The following WDPCP variants were observed in gnomAD, a reference collection of about 807,000 sequenced individuals.
WDPCP encodes the protein WD repeat containing planar cell polarity effector, also known as WD repeat-containing and planar cell polarity effector protein fritz homolog.
In WDPCP, 71 loss-of-function variants were observed where a neutral mutation model predicts 93.1. That is an observed-to-expected ratio of 0.76 (90% confidence interval 0.63 to 0.93). The LOEUF is 0.93. WDPCP is among the 40% of genes least tolerant of loss of function. The pLI is 0.00. For missense variants in WDPCP, 844 were observed against 887.4 expected, an observed-to-expected ratio of 0.95 and a Z score of 0.62; for synonymous variants, 315 against 315.0, an observed-to-expected ratio of 1.00 and a Z score of 0.00.
In WDPCP at chr2:63,204,062, T is replaced by C. The variant is rs138133389; in HGVS notation, c.1916-29230A>G. ...ACTAATGTACCTTCTTTTGAGTAGA[T>C]ACCCAGCAGTGGGATTGTTGACTCA... On this transcript the variant is annotated intron_variant, in intron 14 of 17. Transcript: ENST00000272321. Among the ~76,000 whole-genome samples the C allele has an allele frequency of 5.3e-5, 8 of 152,342 alleles. No homozygotes were observed. The East Asian group carries it at 1.4e-3, about 26-fold the overall frequency.
rs1291124719 is a variant in WDPCP, at chr2:63,251,175, C to T, written c.1915+8132G>A. On this transcript the variant is annotated intron_variant, in intron 14 of 17. Coordinates refer to ENST00000272321, the MANE Select transcript of WDPCP (RefSeq NM_015910.7). ...AAAAATCCATACAAAGAATGAACGACACCAAAAGTTTATACTTTGAAAGGA... is the reference window on the plus strand; with the variant it reads ...AAAAATCCATACAAAGAATGAACGATACCAAAAGTTTATACTTTGAAAGGA... Among the ~76,000 whole-genome samples the T allele has an allele frequency of 5.1e-4, 77 of 152,066 alleles. 1 individual carries two copies. The highest frequency in any genetic ancestry group is 4.8e-3 in the Admixed American group (73 of 15,254).
intron 12 of WDPCP, among the ~76,000 whole-genome samples, chr2:63,329,066 C>G (rs1382399214): frequency 2.0e-5 from 3 of 152,138 alleles, no homozygotes; most frequent in African/African-American, 7.2e-5. Context: ...AAGATGTACC[C>G]TATTAGCAAA....
chr2:63,535,793 T>C (rs113474206), intron 1 of WDPCP, among the ~76,000 whole-genome samples: 29,514 of 152,022 alleles, frequency 0.19, 3,678 homozygotes, highest in Non-Finnish European at 0.25. Flanking sequence ...ATTCAGAACA[T>C]AGGCATGGGC....
chr2:63,373,251 G>T (rs558913250), intron 12 of WDPCP, among the ~76,000 whole-genome samples: 8 of 107,554 alleles, frequency 7.4e-5, no homozygotes, highest in East Asian at 2.2e-4. Context: ...TCATTTTTTT[G>T]TTGTTTTTTT....
chr2:63,321,147 AG>A (rs1232736798), intron 12 of WDPCP, among the ~76,000 whole-genome samples: 1 of 152,132 alleles, frequency 6.6e-6, no homozygotes, highest in Non-Finnish European at 1.5e-5. Context: ...AACAAAAAAA[AG>A]GTGACAGAAA....
chr2:63,519,929 T>A (rs1702807224), intron 1 of WDPCP, among the ~76,000 whole-genome samples: 1 of 152,034 alleles, frequency 6.6e-6, no homozygotes, highest in Non-Finnish European at 1.5e-5. Flanking sequence ...TGGATAGGAA[T>A]AAAGATTATC....
chr2:63,773,723 A>G (rs1670263220), intron 2 of WDPCP, among the ~76,000 whole-genome samples: 1 of 152,118 alleles, frequency 6.6e-6, no homozygotes, highest in African/African-American at 2.4e-5. Flanking sequence ...ATGCCAAAAT[A>G]TTTTTGAGAT....
At chr2:63,475,494 TTAATA>T (rs1343017486) in intron 6 of WDPCP, among the ~76,000 whole-genome samples, 1 of 152,154 alleles carries the variant, frequency 6.6e-6, no homozygotes, top group African/African-American at 2.4e-5. Flanking sequence ...AAATTATCCT[TTAATA>T]TTTTATACAT....
chr2:63,799,274 G>A (rs1670660201), intron 2 of WDPCP, among the ~76,000 whole-genome samples: 1 of 152,134 alleles, frequency 6.6e-6, no homozygotes, highest in Non-Finnish European at 1.5e-5. Flanking sequence ...TGAATTCAGG[G>A]GGAAAAACTG....
chr2:63,439,623 A>T, intron 7 of WDPCP, 134 bp downstream of exon 7: 1 of 711,922 alleles, frequency 1.4e-6, no homozygotes, highest in Non-Finnish European at 2.4e-6. Flanking sequence ...CAGGGGGTGT[A>T]AGTACGCTAT....
intron 2 of WDPCP, among the ~76,000 whole-genome samples, chr2:63,753,511 C>T (rs1223977974): frequency 6.6e-6 from 1 of 152,168 alleles, no homozygotes; most frequent in Non-Finnish European, 1.5e-5. Flanking sequence ...CATGGTTACA[C>T]AGGCTGTACA....
At chr2:63,837,577 A>T in the WDPCP span, among the ~76,000 whole-genome samples, 2 of 152,200 alleles carry the variant, frequency 1.3e-5, no homozygotes, top group Non-Finnish European at 2.9e-5. Flanking sequence ...AAAATAAAGG[A>T]CCACACACAT....
intron 15 of WDPCP, among the ~76,000 whole-genome samples, chr2:63,166,050 CT>C (rs1353915915): frequency 6.6e-6 from 1 of 151,188 alleles, no homozygotes; most frequent in Non-Finnish European, 1.5e-5. Context: ...TTGTAAATTT[CT>C]TTTTTTTAAT....
In WDPCP at chr2:63,322,404, A is replaced by G. The variant is rs546574173; in HGVS notation, c.1749-9093T>C. ...CTTTGTTCTTTCGCTCTTCACAATA[A>G]ATCTTGCTGCTGCTCACTCTTTGGG... On this transcript the variant is annotated intron_variant, in intron 12 of 17. Transcript: ENST00000272321. Among the ~76,000 whole-genome samples, 3 of 152,188 alleles carry G rather than the reference A, an allele frequency of 2.0e-5. No individual in the cohort carries two copies. The East Asian group carries it at 5.8e-4, about 29-fold the overall frequency.
rs971177172 is a variant in WDPCP at position 63,390,912 on chromosome 2, A to G, written c.1436-8818T>C. ...GGCAATAATTAATAGCCTACCAACCAAAAAGTGTCCAGAACCAGACGGATT... is the reference window on the plus strand; with the variant it reads ...GGCAATAATTAATAGCCTACCAACCGAAAAGTGTCCAGAACCAGACGGATT... On this transcript the variant is annotated intron_variant, in intron 10 of 17. Coordinates refer to ENST00000272321, the MANE Select transcript of WDPCP (RefSeq NM_015910.7). Among the ~76,000 whole-genome samples the G allele has an allele frequency of 5.7e-4, 87 of 152,342 alleles. 1 individual carries two copies. The highest frequency in any genetic ancestry group is 2.0e-3 in the African/African-American group (85 of 41,590).
rs1245535988 is a variant in WDPCP at position 63,184,336 on chromosome 2, T to C, written c.1916-9504A>G. Among the ~76,000 whole-genome samples, 5 of 152,182 alleles carry C rather than the reference T, an allele frequency of 3.3e-5. 1 individual carries two copies. Among genetic ancestry groups the C allele is most frequent in the Admixed American group, 2.6e-4 (4 of 15,274 alleles). On this transcript the variant is annotated intron_variant, in intron 14 of 17. Coordinates refer to ENST00000272321, the MANE Select transcript of WDPCP (RefSeq NM_015910.7). The stretch of plus-strand genomic sequence containing the variant: ...CCTGTGAGTTTTATAGTTTTGTGTA[T>C]TTTTTATGATGGCAAACATTGACCA...
chr2:63,326,668 G>T (rs1323017894), intron 12 of WDPCP, among the ~76,000 whole-genome samples: 3 of 138,848 alleles, frequency 2.2e-5, no homozygotes, highest in African/African-American at 8.7e-5. Context: ...CAGAGAGACA[G>T]AGAGAGAGAA....
At chr2:63,840,450 G>T in the WDPCP span, among the ~76,000 whole-genome samples, 1 of 152,216 alleles carries the variant, frequency 6.6e-6, no homozygotes, top group Non-Finnish European at 1.5e-5. Context: ...GGGGCAATGG[G>T]GATGGTGGTG....
chr2:63,330,603 A>T (rs910193619), intron 12 of WDPCP, among the ~76,000 whole-genome samples: 76 of 148,142 alleles, frequency 5.1e-4, no homozygotes, highest in Non-Finnish European at 7.5e-4. Context: ...TCATTTCTTT[A>T]TTTTTCCTGT....
Sources: allele counts gnomAD v4.1 joint callset (sites outside exome capture counted in the v4.1 genomes callset), GRCh38; gene constraint gnomAD v4.1.1; transcripts MANE v1.5; gene names NCBI Gene and HGNC (gene_info 2026-07-23, HGNC 2026-07-21).